The following HTR4 variants were observed in gnomAD, a reference collection of about 807,000 sequenced individuals.
The protein encoded by HTR4 is 5-hydroxytryptamine receptor 4.
In HTR4, 16 loss-of-function variants were observed where a neutral mutation model predicts 36.8. That is an observed-to-expected ratio of 0.43 (90% CI 0.29 to 0.66). The LOEUF is 0.66. HTR4 is among the 30% of genes least tolerant of loss of function. The pLI, the probability that HTR4 is intolerant of heterozygous loss-of-function variation, is 0.13. For missense variants in HTR4, 438 were observed against 490.9 expected, an observed-to-expected ratio of 0.89 and a Z score of 1.02; for synonymous variants, 189 against 185.1, an observed-to-expected ratio of 1.02 and a Z score of -0.17.
chr5:148,474,992 C>T (rs1382340535), downstream of HTR4, among the ~76,000 whole-genome samples: 1 of 151,898 alleles, frequency 6.6e-6, no homozygotes, highest in East Asian at 1.9e-4. Context: ...TTGCAGTGAG[C>T]CGAGATGGCG....
intron 1 of HTR4, among the ~76,000 whole-genome samples, chr5:148,652,067 TTTAAC>T (rs1248773843): frequency 2.6e-5 from 4 of 152,190 alleles, no homozygotes; most frequent in African/African-American, 9.6e-5. Context: ...AAAAAACTAA[TTTAAC>T]TTGTCAGACA....
intron 6 of HTR4, among the ~76,000 whole-genome samples, chr5:148,498,247 T>C (rs1337950403): frequency 6.6e-6 from 1 of 152,180 alleles, no homozygotes; most frequent in Non-Finnish European, 1.5e-5. Context: ...CTAATTCAAC[T>C]TGGAAAAGTA....
chr5:148,524,032 C>T (rs561650841), intron 4 of HTR4, among the ~76,000 whole-genome samples: 2 of 151,952 alleles, frequency 1.3e-5, no homozygotes, highest in Admixed American at 6.6e-5. Context: ...GATTCCCCTC[C>T]ATCCCCCCAT....
intron 1 of HTR4, 28 bp downstream of exon 1, chr5:148,654,034 C>G (rs954562695): frequency 2.0e-6 from 2 of 984,238 alleles, no homozygotes; most frequent in Non-Finnish European, 2.4e-6. Flanking sequence ...CCTGGGGTCC[C>G]GACCCCCGGC....
chr5:148,523,643 C>T (rs946799809), intron 4 of HTR4, among the ~76,000 whole-genome samples: 19 of 152,114 alleles, frequency 1.2e-4, no homozygotes, highest in African/African-American at 4.3e-4. Context: ...ATATACTGGC[C>T]TGTGAGTTTC....
intron 5 of HTR4, chr5:148,465,720 T>A (rs543850088): frequency 1.6e-6 from 2 of 1,229,582 alleles, no homozygotes; most frequent in Admixed American, 3.1e-5. Context: ...TGCAGTTCTG[T>A]GCCAACAATT....
chr5:148,498,390 T>A (rs1756780992), intron 6 of HTR4, among the ~76,000 whole-genome samples: 1 of 152,118 alleles, frequency 6.6e-6, no homozygotes, highest in Non-Finnish European at 1.5e-5. Flanking sequence ...CAGGGAAGAT[T>A]TAACAAACAA....
chr5:148,575,362 CCTTT>C (rs1301155334), intron 2 of HTR4, among the ~76,000 whole-genome samples: 1 of 152,052 alleles, frequency 6.6e-6, no homozygotes, highest in African/African-American at 2.4e-5. Flanking sequence ...CTCCCTTCTC[CCTTT>C]CTTTCTTTTT....
At chr5:148,516,044 GATACATATAT>G (rs1757734511) in intron 5 of HTR4, among the ~76,000 whole-genome samples, 1 of 149,850 alleles carries the variant, frequency 6.7e-6, no homozygotes, top group African/African-American at 2.4e-5. Context: ...ATTCTGATAT[GATACATATAT>G]ATACATATAT....
chr5:148,476,972 G>T (rs985870128), downstream of HTR4, among the ~76,000 whole-genome samples: 1 of 152,170 alleles, frequency 6.6e-6, no homozygotes, highest in African/African-American at 2.4e-5. Context: ...AGGAGTAGTA[G>T]CTGAATGTGC....
At chr5:148,628,122 A>T (rs1753188031) in intron 2 of HTR4, among the ~76,000 whole-genome samples, 1 of 152,230 alleles carries the variant, frequency 6.6e-6, no homozygotes, top group African/African-American at 2.4e-5. Flanking sequence ...GGACAGGCCA[A>T]ATGAACATAT....
chr5:148,536,888 C>G (rs763511619), intron 4 of HTR4, among the ~76,000 whole-genome samples: 4 of 152,128 alleles, frequency 2.6e-5, no homozygotes, highest in Non-Finnish European at 5.9e-5. Flanking sequence ...CCAAATGGAC[C>G]TGATAGACTT....
At chr5:148,454,081 T>C (rs1435521630) in intron 5 of HTR4, among the ~76,000 whole-genome samples, 1 of 152,230 alleles carries the variant, frequency 6.6e-6, no homozygotes, top group South Asian at 2.1e-4. Context: ...GGCTGCGTTA[T>C]GCAGAATAGT....
chr5:148,607,105 A>G (rs1019832186), intron 2 of HTR4, among the ~76,000 whole-genome samples: 4 of 152,326 alleles, frequency 2.6e-5, no homozygotes, highest in East Asian at 3.9e-4. Flanking sequence ...TCTAGGTAAG[A>G]GTCTTAATTC....
rs548775613 is a variant in HTR4 at position 148,629,475 on chromosome 5, A to C, written c.26+7514T>G. 5.3e-5 allele frequency: 8 copies of C among 152,284 alleles called. No homozygotes were observed. In the South Asian group the frequency reaches 1.7e-3, roughly 32 times the overall value. 9.4% of individuals were successfully genotyped at this position (152,284 alleles called of 1,614,324 possible). A position where few individuals can be genotyped will look rare whatever the true frequency, so the allele number is the denominator to read the frequency against. On this transcript the variant is annotated intron_variant, in intron 2 of 6. Transcript: ENST00000377888. ...AGGAGCTTCTGCTTTACTAAAGTCC[A>C]GGGGGAAGCTTTGAGGCCTACAGAC... is the stretch of plus-strand genomic sequence containing the variant.
At chr5:148,646,751 C>T (rs1307537993) in intron 1 of HTR4, among the ~76,000 whole-genome samples, 1 of 152,148 alleles carries the variant, frequency 6.6e-6, no homozygotes, top group Non-Finnish European at 1.5e-5. Context: ...CCTTCACGTG[C>T]ATTACTTCAT....
chr5:148,524,239 G>C (rs532655316), intron 4 of HTR4, among the ~76,000 whole-genome samples: 1 of 152,240 alleles, frequency 6.6e-6, no homozygotes, highest in East Asian at 1.9e-4. Flanking sequence ...GCATCCTTAC[G>C]GCTGGATAGG....
intron 2 of HTR4, among the ~76,000 whole-genome samples, chr5:148,550,945 C>T (rs752537854): frequency 1.2e-4 from 18 of 152,196 alleles, no homozygotes; most frequent in Non-Finnish European, 1.3e-4. Flanking sequence ...TTACCCTCTA[C>T]CTATAAAACC....
chr5:148,462,361 A>C (rs1755298497), intron 5 of HTR4, among the ~76,000 whole-genome samples: 1 of 152,074 alleles, frequency 6.6e-6, no homozygotes, highest in Non-Finnish European at 1.5e-5. Context: ...ATGGGCATTA[A>C]AGGGATAGTC....
Sources: allele counts gnomAD v4.1 joint callset (sites outside exome capture counted in the v4.1 genomes callset), GRCh38; gene constraint gnomAD v4.1.1; transcripts MANE v1.5; gene names NCBI Gene and HGNC (gene_info 2026-07-23, HGNC 2026-07-21).